Variants in MAGI3 observed in about 807,000 individuals in gnomAD.
The protein encoded by MAGI3 is membrane-associated guanylate kinase, WW and PDZ domain-containing protein 3.
In MAGI3, 43 loss-of-function variants were observed where a neutral mutation model predicts 121.8. The ratio of observed to expected loss-of-function variants is 0.35; its 90% CI spans 0.28 to 0.46. The LOEUF is 0.46. Among genes scored for constraint, MAGI3 ranks in the 20% least tolerant of loss-of-function variants. The pLI is 1.00. For missense variants in MAGI3, 1,547 were observed against 1,797.3 expected, an observed-to-expected ratio of 0.86 and a Z score of 2.52; for synonymous variants, 553 against 639.3, an observed-to-expected ratio of 0.86 and a Z score of 2.04.
intron 1 of MAGI3, among the ~76,000 whole-genome samples, chr1:113,491,762 A>G (rs1410768856): frequency 1.3e-5 from 2 of 152,168 alleles, no homozygotes; most frequent in African/African-American, 4.8e-5. Flanking sequence ...AAACTAGAAA[A>G]TCTGGAAGAA....
At chr1:113,492,068 A>C (rs1172168299) in intron 1 of MAGI3, among the ~76,000 whole-genome samples, 1 of 152,196 alleles carries the variant, frequency 6.6e-6, no homozygotes, top group East Asian at 1.9e-4. Flanking sequence ...ACAACAAAAA[A>C]AGAAAACTTT....
intron 1 of MAGI3, among the ~76,000 whole-genome samples, chr1:113,448,827 CAT>C (rs764423045): frequency 6.6e-6 from 1 of 151,920 alleles, no homozygotes; most frequent in Non-Finnish European, 1.5e-5. Flanking sequence ...AAAAATAAAA[CAT>C]AAAAAAGAGG....
intron 1 of MAGI3, among the ~76,000 whole-genome samples, chr1:113,541,210 A>G (rs1659276415): frequency 6.6e-6 from 1 of 152,230 alleles, no homozygotes; most frequent in Non-Finnish European, 1.5e-5. Flanking sequence ...AGGGCAACAG[A>G]TGAAATCTGA....
intron 2 of MAGI3, among the ~76,000 whole-genome samples, chr1:113,555,199 C>A (rs967840913): frequency 2.7e-5 from 4 of 150,152 alleles, no homozygotes; most frequent in African/African-American, 9.8e-5. Context: ...AATTTTCAGA[C>A]AAAAAGTGAA....
At chr1:113,492,860 G>A (rs922939726) in intron 1 of MAGI3, among the ~76,000 whole-genome samples, 1 of 152,108 alleles carries the variant, frequency 6.6e-6, no homozygotes, top group Non-Finnish European at 1.5e-5. Flanking sequence ...TCTCTATGAG[G>A]AGAACTACAA....
intron 2 of MAGI3, among the ~76,000 whole-genome samples, chr1:113,568,155 G>A (rs1570875738): frequency 6.6e-6 from 1 of 152,130 alleles, no homozygotes; most frequent in East Asian, 1.9e-4. Context: ...GGTTTCCAAA[G>A]TTCACATAAT....
chr1:113,549,191 T>C (rs112621671), intron 1 of MAGI3, among the ~76,000 whole-genome samples: 391 of 152,306 alleles, frequency 2.6e-3, no homozygotes, highest in African/African-American at 9.0e-3. Context: ...GATATGAATG[T>C]GGAAGTTATC....
At chr1:113,633,238 ATTTTTTTTTTTTTTTTTTTTTTTTTTTTT>A (rs71090716) in intron 9 of MAGI3, among the ~76,000 whole-genome samples, 3 of 56,670 alleles carry the variant, frequency 5.3e-5, no homozygotes, top group East Asian at 6.5e-4. Flanking sequence ...TGAACTCATC[ATTTTTTTTTTTTTTTTTTTTTTTTTTTTT>A]TTTTTTTTTT....
chr1:113,615,734 A>G (rs1382716622), intron 7 of MAGI3, among the ~76,000 whole-genome samples: 1 of 152,182 alleles, frequency 6.6e-6, no homozygotes, highest in East Asian at 1.9e-4. Flanking sequence ...TAGAATTTCA[A>G]TATCTTGGTT....
chr1:113,471,471 T>A (rs1479634171), intron 1 of MAGI3, among the ~76,000 whole-genome samples: 1 of 152,118 alleles, frequency 6.6e-6, no homozygotes, highest in Non-Finnish European at 1.5e-5. Flanking sequence ...CAGAAGCCTT[T>A]CTAAAAGGGA....
In MAGI3 at chr1:113,682,915, A is replaced by G; in HGVS notation, c.3347A>G (p.Asn1116Ser). Reference protein sequence around the residue: ...IPDHGDWDINNPSSSNVIYDE... With the variant: ...IPDHGDWDINSPSSSNVIYDE... ...TTTTTAGGTGATTGGGATATTAATAATCCTTCGTCTTCAAATGTGATTTAT... is the reference window on the plus strand; with the variant it reads ...TTTTTAGGTGATTGGGATATTAATAGTCCTTCGTCTTCAAATGTGATTTAT... The change falls in exon 21 of 21, where the codon AAT (asparagine) becomes AGT (serine). Residue 1116 changes from asparagine (N) to serine (S), a missense_variant. Coordinates refer to ENST00000307546, the MANE Select transcript of MAGI3 (RefSeq NM_001142782.2). 6.3e-7 allele frequency: 1 copy of G among 1,583,550 alleles called. No homozygotes were observed.
chr1:113,418,843 G>T (rs1652589853), intron 1 of MAGI3, among the ~76,000 whole-genome samples: 2 of 151,984 alleles, frequency 1.3e-5, no homozygotes, highest in Admixed American at 1.3e-4. Context: ...ATAATGACTA[G>T]TACACTAAAC....
intron 9 of MAGI3, among the ~76,000 whole-genome samples, chr1:113,629,729 CCTCTCTCTCT>C (rs374062732): frequency 3.0e-4 from 34 of 112,012 alleles, no homozygotes; most frequent in African/African-American, 1.1e-3. Flanking sequence ...AGTCAGTCTC[CCTCTCTCTCT>C]CTCTCTCTCT....
intron 1 of MAGI3, among the ~76,000 whole-genome samples, chr1:113,533,784 T>C (rs994465141): frequency 2.8e-5 from 4 of 142,236 alleles, no homozygotes; most frequent in African/African-American, 1.0e-4. Flanking sequence ...CTTTTCTTTT[T>C]CTTTTTTTTT....
At chr1:113,631,663 AAAG>A (rs1212307792) in intron 9 of MAGI3, among the ~76,000 whole-genome samples, 1 of 152,168 alleles carries the variant, frequency 6.6e-6, no homozygotes, top group African/African-American at 2.4e-5. Flanking sequence ...TATTTGAAAA[AAAG>A]GTCCTGTGTG....
chr1:113,655,865 G>C (rs1372623908), intron 15 of MAGI3, among the ~76,000 whole-genome samples: 3 of 152,134 alleles, frequency 2.0e-5, no homozygotes, highest in Non-Finnish European at 2.9e-5. Context: ...TTCAGTAAAT[G>C]TTAGCTGCTG....
Position 113,683,033 on chromosome 1 carries a change from G to A in MAGI3, c.3465G>A (p.Gln1155=). ...VPVIEESLRV[Q]ICEKAEELKD... ...TAATTGAAGAATCTTTGAGAGTTCA[G>A]ATATGTGAAAAGGCAGAAGAATTAA... The change falls in exon 21 of 21, where the codon CAG becomes CAA. Residue 1155 remains glutamine (Q), a synonymous_variant. Coordinates refer to ENST00000307546, the MANE Select transcript of MAGI3 (RefSeq NM_001142782.2). The A allele has an allele frequency of 6.2e-7, 1 of 1,613,896 alleles. No individual in the cohort carries two copies. The highest frequency in any genetic ancestry group is 8.5e-7 in the Non-Finnish European group (1 of 1,179,878).
chr1:113,553,473 G>C (rs1019472267), intron 2 of MAGI3, among the ~76,000 whole-genome samples: 1 of 152,164 alleles, frequency 6.6e-6, no homozygotes, highest in East Asian at 1.9e-4. Flanking sequence ...GGAGTTTTAA[G>C]TTTAACAATT....
rs6683335 is a variant in MAGI3 at position 113,390,656 on chromosome 1, C to A, written c.-378C>A. On this transcript the variant is annotated 5_prime_UTR_variant, in exon 1 of 21. Coordinates refer to ENST00000307546, the MANE Select transcript of MAGI3 (RefSeq NM_001142782.2). ...TTCCCGGCTCTTCCCCCTTCACCTC[C>A]CCGCCCCCCCGCCTCAGCCTTTCCC... 1 allele frequency: 151,987 copies of A among 152,384 alleles called. 75,796 individuals are homozygous for A. The highest frequency in any genetic ancestry group is 1 in the Middle Eastern group (296 of 296). 9.4% of individuals were successfully genotyped at this position (152,384 alleles called of 1,614,324 possible). A position where few individuals can be genotyped will look rare whatever the true frequency, so the allele number is the denominator to read the frequency against.
Sources: gnomAD v4.1 joint callset for allele counts (sites outside exome capture counted in the v4.1 genomes callset) on GRCh38, gnomAD v4.1.1 for gene constraint, MANE v1.5 for transcripts, NCBI Gene and HGNC (gene_info 2026-07-23, HGNC 2026-07-21) for gene names.